The following ANXA8 variants were observed in gnomAD, a reference collection of about 807,000 sequenced individuals.
ANXA8 encodes the protein VAC-beta.
Under a neutral mutation model 26.8 loss-of-function variants are expected in ANXA8, and 9 were observed. The ratio of observed to expected loss-of-function variants is 0.34; its 90% CI spans 0.20 to 0.59. ANXA8 has a LOEUF of 0.59. Among genes scored for constraint, ANXA8 ranks in the 20% least tolerant of loss-of-function variants. ANXA8 has a pLI of 0.84. For synonymous variants in ANXA8, 39 were observed against 94.8 expected, an observed-to-expected ratio of 0.41 and a Z score of 3.42; for missense variants, 83 against 238.5, an observed-to-expected ratio of 0.35 and a Z score of 4.29.
the ANXA8 span, among the ~76,000 whole-genome samples, chr10:47,902,152 C>T: frequency 6.6e-6 from 1 of 151,870 alleles, no homozygotes; most frequent in Non-Finnish European, 1.5e-5. Flanking sequence ...CAAGTGTTTA[C>T]CTAAGTAAGA....
At chr10:47,626,724 T>C in the ANXA8 span, among the ~76,000 whole-genome samples, 1 of 150,278 alleles carries the variant, frequency 6.7e-6, no homozygotes, top group Admixed American at 6.6e-5. Context: ...TAATAAAGTG[T>C]TTTGAAACAT....
the ANXA8 span, among the ~76,000 whole-genome samples, chr10:47,573,073 CT>C: frequency 6.8e-6 from 1 of 147,698 alleles, no homozygotes; most frequent in African/African-American, 2.5e-5. Flanking sequence ...ACATCTGCCT[CT>C]GAGGTTCAAG....
the ANXA8 span, among the ~76,000 whole-genome samples, chr10:47,702,703 G>T: frequency 6.6e-6 from 1 of 151,620 alleles, no homozygotes. Flanking sequence ...GTGCGATCTC[G>T]GCTTACTCCA....
At chr10:47,666,688 C>A in the ANXA8 span, among the ~76,000 whole-genome samples, 1 of 151,788 alleles carries the variant, frequency 6.6e-6, no homozygotes, top group African/African-American at 2.4e-5. Flanking sequence ...ACCTTATTTC[C>A]CATATTCCAT....
the ANXA8 span, among the ~76,000 whole-genome samples, chr10:47,574,401 C>T: frequency 5.5e-5 from 8 of 145,416 alleles, no homozygotes; most frequent in Admixed American, 2.8e-4. Context: ...TGAGCCACAA[C>T]ATCCAGCCTA....
At chr10:47,484,529 C>T (rs1839988374), upstream of ANXA8, 11 of 1,458,104 alleles carry the variant, frequency 7.5e-6, no homozygotes, top group East Asian at 2.5e-5. Context: ...GCACAGCCAC[C>T]TTATACAGCA....
the ANXA8 span, among the ~76,000 whole-genome samples, chr10:47,966,110 C>T: frequency 2.8e-5 from 4 of 140,730 alleles, no homozygotes; most frequent in Non-Finnish European, 6.4e-5. Context: ...GAGTGAGAAG[C>T]CCCCATCTAG....
the ANXA8 span, among the ~76,000 whole-genome samples, chr10:47,574,115 T>C: frequency 2.4e-5 from 1 of 42,192 alleles, no homozygotes; most frequent in East Asian, 3.2e-4. Flanking sequence ...ACCTCTTTTT[T>C]TTTTTTTTTT....
chr10:47,703,234 G>A, the ANXA8 span, among the ~76,000 whole-genome samples: 8 of 151,558 alleles, frequency 5.3e-5, no homozygotes, highest in Non-Finnish European at 1.0e-4. Flanking sequence ...TCCTTCCAAT[G>A]GAATTCCAAT....
the ANXA8 span, among the ~76,000 whole-genome samples, chr10:47,956,614 C>T: frequency 6.6e-6 from 1 of 150,714 alleles, no homozygotes; most frequent in African/African-American, 2.5e-5. Flanking sequence ...TGGAGACTTC[C>T]CTCCCATCCC....
At chr10:47,981,120 T>A in the ANXA8 span, among the ~76,000 whole-genome samples, 1 of 151,826 alleles carries the variant, frequency 6.6e-6, no homozygotes, top group African/African-American at 2.4e-5. Flanking sequence ...AAGTGACATT[T>A]ATTTCAGGAA....
chr10:47,932,728 T>TTCTC, the ANXA8 span, among the ~76,000 whole-genome samples: 3 of 58,718 alleles, frequency 5.1e-5, no homozygotes, highest in Admixed American at 3.5e-4. Flanking sequence ...TTCTCTGTCT[T>TTCTC]TCTGTCTCTC....
intron 11 of ANXA8, among the ~76,000 whole-genome samples, chr10:47,469,902 A>G (rs1839270891): frequency 6.6e-6 from 1 of 151,360 alleles, no homozygotes; most frequent in African/African-American, 2.5e-5. Flanking sequence ...CTTTCTAGAC[A>G]CGATCTCACT....
At chr10:47,574,272 C>T in the ANXA8 span, among the ~76,000 whole-genome samples, 42,647 of 67,078 alleles carry the variant, frequency 0.64, 13,037 homozygotes, top group Non-Finnish European at 0.72. Context: ...CTTGCTATCA[C>T]GCCTGGTTAA....
At chr10:47,944,872 C>A in the ANXA8 span, among the ~76,000 whole-genome samples, 2 of 146,216 alleles carry the variant, frequency 1.4e-5, no homozygotes, top group African/African-American at 5.2e-5. Flanking sequence ...CCACCCCCAC[C>A]CCTCAACCCT....
At chr10:47,503,372 G>C in the ANXA8 span, 1 of 1,609,724 alleles carries the variant, frequency 6.2e-7, no homozygotes, top group Non-Finnish European at 8.5e-7. Context: ...GATGTAAACA[G>C]GTTGGACCAG....
At chr10:47,946,964 A>G in the ANXA8 span, among the ~76,000 whole-genome samples, 2 of 150,608 alleles carry the variant, frequency 1.3e-5, no homozygotes, top group African/African-American at 2.5e-5. Flanking sequence ...GTGCTGGGAT[A>G]ACGGGCATGA....
chr10:47,663,250 G>A, the ANXA8 span, among the ~76,000 whole-genome samples: 1 of 148,670 alleles, frequency 6.7e-6, no homozygotes, highest in Admixed American at 6.6e-5. Flanking sequence ...AGATGTTTCT[G>A]TCTCCTTCAC....
At chr10:47,691,628 G>A in the ANXA8 span, among the ~76,000 whole-genome samples, 2 of 150,478 alleles carry the variant, frequency 1.3e-5, no homozygotes. Context: ...ATTAAGTTTT[G>A]CGTGCCTGTA....
Sources: allele counts gnomAD v4.1 joint callset (sites outside exome capture counted in the v4.1 genomes callset), GRCh38; gene constraint gnomAD v4.1.1; transcripts MANE v1.5; gene names NCBI Gene and HGNC (gene_info 2026-07-23, HGNC 2026-07-21).